The following ZRANB1 variants were observed in gnomAD, a reference collection of about 807,000 sequenced individuals.
ZRANB1 encodes the protein ubiquitin thioesterase ZRANB1.
ZRANB1 carries 16 observed loss-of-function variants against 80.5 expected under a neutral mutation model. The ratio of observed to expected loss-of-function variants is 0.20; its 90% confidence interval spans 0.13 to 0.30. The LOEUF (loss-of-function observed/expected upper bound fraction) is 0.30. Among genes scored for constraint, ZRANB1 ranks in the 10% least tolerant of loss-of-function variants. The pLI is 1.00. For missense variants in ZRANB1, 576 were observed against 862.6 expected (o/e 0.67, Z 4.16); for synonymous variants, 291 against 293.1 (o/e 0.99, Z 0.07).
At position 124,943,327 on chromosome 10, in the gene ZRANB1, A is replaced by AT. The variant is rs763675623; in HGVS notation, c.814+26dup. ...GTGTGGGTAAGTTTCTGTATTCTGC[A>AT]TTTTTTGCGTGGGATGGGAAAAGGT... On this transcript the variant is annotated intron_variant, in intron 1 of 8. Transcript: ENST00000359653. 8.2e-6 allele frequency: 13 copies of AT among 1,590,750 alleles called. No homozygotes were observed. The highest frequency in any genetic ancestry group is 1.1e-5 in the South Asian group (1 of 88,642).
the ZRANB1 span, among the ~76,000 whole-genome samples, chr10:124,919,203 C>T: frequency 6.6e-6 from 1 of 152,158 alleles, no homozygotes; most frequent in African/African-American, 2.4e-5. Context: ...ACAGTGAGAG[C>T]TTGTCCATGT....
chr10:124,945,276 T>C (rs1951570599), intron 1 of ZRANB1: 1 of 152,196 alleles, frequency 6.6e-6, no homozygotes, highest in Admixed American at 6.5e-5. Context: ...TAACTGCCAG[T>C]CTGCTTTTGG....
At position 124,987,632 on chromosome 10, in the gene ZRANB1, G is replaced by T. The variant is rs1201253364; in HGVS notation, c.*2640G>T. ...TAATAGGTCAGTAACTATGAGCGCC[G>T]TCTCTCTCCATGTGAGCTTGTGTTA... On this transcript the variant is annotated 3_prime_UTR_variant, in exon 9 of 9. Coordinates refer to ENST00000359653, the MANE Select transcript of ZRANB1 (RefSeq NM_017580.3). 4 of 152,110 alleles carry T rather than the reference G, an allele frequency of 2.6e-5. No homozygotes were observed. The highest frequency in any genetic ancestry group is 9.7e-5 in the African/African-American group (4 of 41,408). The allele number at this position is 152,110 out of a possible 1,614,324, so 9.4% of individuals were successfully genotyped here. A position where few individuals can be genotyped will look rare whatever the true frequency, so the allele number is the denominator to read the frequency against.
upstream of ZRANB1, among the ~76,000 whole-genome samples, chr10:124,937,948 G>A (rs1191473307): frequency 6.6e-6 from 1 of 152,090 alleles, no homozygotes; most frequent in Non-Finnish European, 1.5e-5. Context: ...CCTTAAAGAA[G>A]GCCTAGATTA....
At chr10:124,928,311 C>T in the ZRANB1 span, among the ~76,000 whole-genome samples, 1 of 152,138 alleles carries the variant, frequency 6.6e-6, no homozygotes, top group Non-Finnish European at 1.5e-5. Flanking sequence ...TGGAAAGGCA[C>T]TCTTAGCACT....
chr10:124,966,016 A>G (rs979422917), intron 1 of ZRANB1, among the ~76,000 whole-genome samples: 3 of 152,222 alleles, frequency 2.0e-5, no homozygotes, highest in Non-Finnish European at 4.4e-5. Context: ...CTTAATGGAT[A>G]TAAGGAAGAC....
At chr10:124,956,693 A>G (rs1951690131) in intron 1 of ZRANB1, among the ~76,000 whole-genome samples, 1 of 152,098 alleles carries the variant, frequency 6.6e-6, no homozygotes, top group Admixed American at 6.5e-5. Flanking sequence ...GCTGGTCTCG[A>G]ACTCCTGACC....
chr10:124,970,844 T>TG (rs1951819082), intron 2 of ZRANB1, among the ~76,000 whole-genome samples: 2 of 143,734 alleles, frequency 1.4e-5, no homozygotes, highest in Non-Finnish European at 3.0e-5. Flanking sequence ...TTTTTTTTTT[T>TG]TTTTTTTTTT....
At chr10:124,973,899 G>A (rs528096280) in intron 4 of ZRANB1, among the ~76,000 whole-genome samples, 183 bp downstream of exon 4, 3 of 152,250 alleles carry the variant, frequency 2.0e-5, no homozygotes, top group East Asian at 3.9e-4. Flanking sequence ...AACAAATAAA[G>A]ATACAAAAAT....
chr10:124,936,864 C>T, the ZRANB1 span, among the ~76,000 whole-genome samples: 20 of 152,110 alleles, frequency 1.3e-4, no homozygotes, highest in Non-Finnish European at 2.5e-4. Context: ...TGTAAATCTC[C>T]GCAGATTTAT....
Position 124,943,327 on chromosome 10 carries a change from A to T in ZRANB1, c.814+20A>T. 1 of 1,590,750 alleles carries T rather than the reference A, an allele frequency of 6.3e-7. No individual in the cohort carries two copies. Among genetic ancestry groups the T allele is most frequent in the Non-Finnish European group, 8.6e-7 (1 of 1,167,570 alleles). On this transcript the variant is annotated intron_variant, in intron 1 of 8. Transcript: ENST00000359653. ...GTGTGGGTAAGTTTCTGTATTCTGC[A>T]TTTTTTGCGTGGGATGGGAAAAGGT...
At chr10:124,920,702 A>G in the ZRANB1 span, among the ~76,000 whole-genome samples, 1 of 151,884 alleles carries the variant, frequency 6.6e-6, no homozygotes. Context: ...TTTTTTGACT[A>G]CTTTAACCCA....
chr10:124,947,451 T>G (rs917829400), intron 1 of ZRANB1, among the ~76,000 whole-genome samples: 1 of 152,170 alleles, frequency 6.6e-6, no homozygotes, highest in African/African-American at 2.4e-5. Flanking sequence ...CCTTATGAAA[T>G]TGCACTTCAA....
At chr10:124,973,108 A>T (rs77111523) in intron 3 of ZRANB1, among the ~76,000 whole-genome samples, 25,310 of 152,120 alleles carry the variant, frequency 0.17, 2,785 homozygotes, top group African/African-American at 0.31. Context: ...ACTTGTTCTG[A>T]GTATTTAAGC....
chr10:124,964,798 A>G (rs1951764385), intron 1 of ZRANB1, among the ~76,000 whole-genome samples: 1 of 152,222 alleles, frequency 6.6e-6, no homozygotes. Context: ...AAGGGCTTTG[A>G]TAGGTCTGAA....
chr10:124,948,390 G>A (rs1951602649), intron 1 of ZRANB1, among the ~76,000 whole-genome samples: 1 of 152,126 alleles, frequency 6.6e-6, no homozygotes, highest in African/African-American at 2.4e-5. Flanking sequence ...AGTTATACAT[G>A]GATTTTCTAC....
upstream of ZRANB1, chr10:124,942,094 T>C (rs1383478151): frequency 9.9e-7 from 1 of 1,010,708 alleles, no homozygotes; most frequent in East Asian, 8.8e-5. Flanking sequence ...TTTGTCTCTT[T>C]AAACTATTGG....
rs55962412 is a variant in ZRANB1, at chr10:124,954,140, G to GTTTT, written c.814+10856_814+10859dup. On this transcript the variant is annotated intron_variant, in intron 1 of 8. Transcript: ENST00000359653. Reference sequence around the variant, plus strand: ...GCACCACCATCCCCAGCTAATTCCTGTTTTTTTTTTTTTTTTTTTTTTTTT... The same window carrying GTTTT: ...GCACCACCATCCCCAGCTAATTCCTGTTTTTTTTTTTTTTTTTTTTTTTTTTTTT... Among the ~76,000 whole-genome samples, 382 of 52,544 alleles carry GTTTT rather than the reference G, an allele frequency of 7.3e-3. 70 individuals carry two copies. Among genetic ancestry groups the GTTTT allele is most frequent in the African/African-American group, 0.023 (269 of 11,946 alleles). The allele number at this position is 52,544 out of a possible 152,430, so 34.5% of individuals were successfully genotyped here. A position where few individuals can be genotyped will look rare whatever the true frequency, so the allele number is the denominator to read the frequency against.
Position 124,942,891 on chromosome 10 carries a change from C to T in ZRANB1, c.398C>T (p.Ser133Phe), listed in dbSNP as rs766508100. 6.2e-7 allele frequency: 1 copy of T among 1,614,196 alleles called. No homozygotes were observed. Among genetic ancestry groups the T allele is most frequent in the Admixed American group, 1.7e-5 (1 of 60,016 alleles). Residue 133 changes from serine (S) to phenylalanine (F), a missense_variant, in exon 1 of 9, where the codon TCT (serine) becomes TTT (phenylalanine). Transcript: ENST00000359653. ...SGSGSRPVAF[S>F]VDPCEEYNDR... ...TCTGGCTCAAGACCAGTTGCTTTTT[C>T]TGTTGATCCTTGTGAGGAATACAAT...
Sources: allele counts gnomAD v4.1 joint callset (sites outside exome capture counted in the v4.1 genomes callset), GRCh38; gene constraint gnomAD v4.1.1; transcripts MANE v1.5; gene names NCBI Gene and HGNC (gene_info 2026-07-23, HGNC 2026-07-21).